The following CDH13 variants were observed in gnomAD, a reference collection of about 807,000 sequenced individuals.
The protein encoded by CDH13 is cadherin 13, also known as cadherin-13.
In CDH13, 24 loss-of-function variants were observed where a neutral mutation model predicts 63.8. The observed-to-expected ratio is 0.38, with a 90% CI of 0.27 to 0.53. The LOEUF is 0.53. Among genes scored for constraint, CDH13 ranks in the 20% least tolerant of loss-of-function variants. CDH13 has a pLI of 0.85. For synonymous variants in CDH13, 503 were observed against 355.3 expected, an observed-to-expected ratio of 1.42 and a Z score of -4.67; for missense variants, 1,049 against 903.1, an observed-to-expected ratio of 1.16 and a Z score of -2.07.
At chr16:83,025,900 G>T (rs376915199) in intron 2 of CDH13, among the ~76,000 whole-genome samples, 1 of 152,146 alleles carries the variant, frequency 6.6e-6, no homozygotes, top group Non-Finnish European at 1.5e-5. Context: ...AGAGATACTA[G>T]TGCACACAGA....
At chr16:83,512,667 C>CAATAAT (rs147859131) in intron 7 of CDH13, among the ~76,000 whole-genome samples, 2 of 148,790 alleles carry the variant, frequency 1.3e-5, no homozygotes, top group African/African-American at 4.9e-5. Flanking sequence ...GACTCCGTCT[C>CAATAAT]AATAATAATA....
chr16:82,817,577 G>C (rs2151193011), intron 1 of CDH13, among the ~76,000 whole-genome samples: 1 of 152,288 alleles, frequency 6.6e-6, no homozygotes, highest in African/African-American at 2.4e-5. Flanking sequence ...GCCGAGGTGG[G>C]TGGATCACCT....
chr16:83,266,930 C>CA (rs1391159127), intron 5 of CDH13, among the ~76,000 whole-genome samples: 1 of 152,198 alleles, frequency 6.6e-6, no homozygotes, highest in Admixed American at 6.5e-5. Flanking sequence ...GCTGAGCCCT[C>CA]AGCCTATTTT....
chr16:83,671,917 C>T (rs1290116762), intron 9 of CDH13, among the ~76,000 whole-genome samples: 2 of 152,202 alleles, frequency 1.3e-5, no homozygotes, highest in African/African-American at 2.4e-5. Flanking sequence ...TGGGAGAAGG[C>T]ATTTCTACAC....
chr16:82,691,980 T>A (rs1484676749), intron 1 of CDH13, among the ~76,000 whole-genome samples: 2 of 152,158 alleles, frequency 1.3e-5, no homozygotes, highest in Non-Finnish European at 2.9e-5. Flanking sequence ...TAGGAAACAC[T>A]CATGTAAAGC....
intron 3 of CDH13, among the ~76,000 whole-genome samples, chr16:83,110,300 C>T (rs569932320): frequency 6.6e-6 from 1 of 152,346 alleles, no homozygotes; most frequent in Non-Finnish European, 1.5e-5. Context: ...ATTGGCATGT[C>T]TGTCTTTCAA....
At chr16:83,583,766 A>T (rs1369675588) in intron 7 of CDH13, among the ~76,000 whole-genome samples, 1 of 151,826 alleles carries the variant, frequency 6.6e-6, no homozygotes, top group Non-Finnish European at 1.5e-5. Flanking sequence ...AAAAGAAAAA[A>T]AAAAGCCGGG....
At chr16:83,011,500 C>T (rs1914151669) in intron 2 of CDH13, among the ~76,000 whole-genome samples, 1 of 152,206 alleles carries the variant, frequency 6.6e-6, no homozygotes, top group African/African-American at 2.4e-5. Flanking sequence ...CTTGTACTGT[C>T]ATGACCCATG....
At chr16:83,568,591 G>A (rs997600189) in intron 7 of CDH13, among the ~76,000 whole-genome samples, 5 of 152,172 alleles carry the variant, frequency 3.3e-5, no homozygotes, top group African/African-American at 4.8e-5. Context: ...GCCAGTTCCC[G>A]AGTGGGGGCA....
chr16:83,340,079 TTTCTG>T (rs1250105414), intron 5 of CDH13, among the ~76,000 whole-genome samples: 1 of 152,202 alleles, frequency 6.6e-6, no homozygotes, highest in Non-Finnish European at 1.5e-5. Flanking sequence ...TATACTTTGT[TTTCTG>T]CAATGTTTCA....
chr16:82,977,645 C>A (rs1909705012), intron 2 of CDH13, among the ~76,000 whole-genome samples: 1 of 152,134 alleles, frequency 6.6e-6, no homozygotes, highest in African/African-American at 2.4e-5. Flanking sequence ...GAACCTCTTT[C>A]CTTTATAAAT....
chr16:83,209,755 C>A (rs2039286214), intron 4 of CDH13, among the ~76,000 whole-genome samples: 1 of 152,074 alleles, frequency 6.6e-6, no homozygotes, highest in African/African-American at 2.4e-5. Context: ...CTAGCTTTAA[C>A]AGACCTTGCA....
At chr16:82,921,143 G>C (rs1363521727) in intron 2 of CDH13, among the ~76,000 whole-genome samples, 1 of 152,118 alleles carries the variant, frequency 6.6e-6, no homozygotes, top group African/African-American at 2.4e-5. Context: ...GTTTTCTGTG[G>C]CTGCTGTAAC....
At chr16:83,193,837 C>T (rs1318604596) in intron 4 of CDH13, among the ~76,000 whole-genome samples, 1 of 152,150 alleles carries the variant, frequency 6.6e-6, no homozygotes, top group African/African-American at 2.4e-5. Context: ...GCTTCCTTCT[C>T]TGTGAATAGG....
intron 4 of CDH13, among the ~76,000 whole-genome samples, chr16:83,201,203 T>C (rs2039020025): frequency 6.6e-6 from 1 of 152,150 alleles, no homozygotes; most frequent in South Asian, 2.1e-4. Flanking sequence ...TCTTTATTTA[T>C]TAAAAAATAT....
chr16:83,132,042 T>G (rs1457652133), intron 4 of CDH13, among the ~76,000 whole-genome samples: 1 of 152,176 alleles, frequency 6.6e-6, no homozygotes, highest in African/African-American at 2.4e-5. Flanking sequence ...ATCCAGATAC[T>G]CTGTACCTGA....
chr16:83,740,914 C>T (rs1911997186), intron 10 of CDH13, among the ~76,000 whole-genome samples: 1 of 152,186 alleles, frequency 6.6e-6, no homozygotes, highest in Non-Finnish European at 1.5e-5. Flanking sequence ...TAAAGAAAGG[C>T]CAGTGAGTCT....
intron 3 of CDH13, among the ~76,000 whole-genome samples, chr16:83,077,605 T>G (rs1009573874): frequency 6.6e-6 from 1 of 152,202 alleles, no homozygotes; most frequent in Non-Finnish European, 1.5e-5. Context: ...TATTATCTAC[T>G]CTCCTATTGA....
chr16:83,418,930 C>G (rs781750686), intron 6 of CDH13, among the ~76,000 whole-genome samples: 28 of 152,080 alleles, frequency 1.8e-4, no homozygotes, highest in Non-Finnish European at 3.4e-4. Context: ...TCAGCAGATG[C>G]TTCTCTTCTG....
Sources: gnomAD v4.1 joint callset for allele counts (sites outside exome capture counted in the v4.1 genomes callset) on GRCh38, gnomAD v4.1.1 for gene constraint, MANE v1.5 for transcripts, NCBI Gene and HGNC (gene_info 2026-07-23, HGNC 2026-07-21) for gene names.